The following SH3GL2 variants were observed in gnomAD, a reference collection of about 807,000 sequenced individuals.
The protein encoded by SH3GL2 is SH3 domain containing GRB2 like 2, endophilin A1, also known as endophilin-A1.
SH3GL2 carries 24 observed loss-of-function variants against 46.0 expected under a neutral mutation model. That is an observed-to-expected ratio of 0.52 (90% CI 0.38 to 0.73). SH3GL2 has a LOEUF of 0.73. Among genes scored for constraint, SH3GL2 ranks in the 30% least tolerant of loss-of-function variants. The pLI is 0.00. For synonymous variants in SH3GL2, 196 were observed against 147.1 expected, an observed-to-expected ratio of 1.33 and a Z score of -2.40; for missense variants, 413 against 424.2, an observed-to-expected ratio of 0.97 and a Z score of 0.23.
intron 1 of SH3GL2, among the ~76,000 whole-genome samples, chr9:17,625,566 G>A (rs1819262625): frequency 6.6e-6 from 1 of 152,204 alleles, no homozygotes; most frequent in Admixed American, 6.5e-5. Context: ...AGGGAAACAA[G>A]GCAAAGAGAG....
intron 3 of SH3GL2, among the ~76,000 whole-genome samples, chr9:17,773,212 T>G (rs1455720563): frequency 6.6e-6 from 1 of 152,166 alleles, no homozygotes; most frequent in East Asian, 1.9e-4. Context: ...TTAGGAGTTC[T>G]GTACATATCA....
chr9:17,635,419 T>C (rs890278325), intron 1 of SH3GL2, among the ~76,000 whole-genome samples: 27 of 152,170 alleles, frequency 1.8e-4, no homozygotes, highest in African/African-American at 6.5e-4. Context: ...TGCAAGTTCT[T>C]AGAGACCTTC....
intron 3 of SH3GL2, among the ~76,000 whole-genome samples, chr9:17,771,088 G>A (rs1224511569): frequency 1.3e-5 from 2 of 152,208 alleles, no homozygotes; most frequent in Non-Finnish European, 2.9e-5. Context: ...CTAATACAGT[G>A]TGGCTGTTCC....
At chr9:17,754,680 TA>T (rs1822939618) in intron 2 of SH3GL2, among the ~76,000 whole-genome samples, 2 of 152,150 alleles carry the variant, frequency 1.3e-5, no homozygotes, top group South Asian at 2.1e-4. Flanking sequence ...CTCAAAAAAA[TA>T]AAATAAATAA....
chr9:17,787,519 TA>T lies in SH3GL2; in HGVS notation c.465+7del. ...AAGATCTTAGGGAAATTCAAGTATG[TA>T]CAATGAGTCTTCTGGAAAGTGGGCA... is the stretch of plus-strand genomic sequence containing the variant. On this transcript the variant is annotated splice_region_variant and intron_variant, in intron 5 of 8. Coordinates refer to ENST00000380607, the MANE Select transcript of SH3GL2 (RefSeq NM_003026.5). The T allele has an allele frequency of 6.2e-7, 1 of 1,610,430 alleles. No individual in the cohort carries two copies. The highest frequency in any genetic ancestry group is 8.5e-7 in the Non-Finnish European group (1 of 1,177,586).
chr9:17,788,643 A>G (rs139837196), intron 5 of SH3GL2, among the ~76,000 whole-genome samples: 28 of 152,276 alleles, frequency 1.8e-4, no homozygotes, highest in South Asian at 4.1e-4. Context: ...GCAGCCATCT[A>G]CCAGGTATGG....
Position 17,592,149 on chromosome 9 carries a change from C to A in SH3GL2, c.45+12862C>A, listed in dbSNP as rs1818496264. On this transcript the variant is annotated intron_variant, in intron 1 of 8. Transcript: ENST00000380607. ...CCCGGGGAGCTGCTGGTGTAAGCCCCAACCCCAAAGTCTCAAGAATTTGGA... is the reference window on the plus strand; with the variant it reads ...CCCGGGGAGCTGCTGGTGTAAGCCCAAACCCCAAAGTCTCAAGAATTTGGA... Among the ~76,000 whole-genome samples, 3 of 152,170 alleles carry A rather than the reference C, an allele frequency of 2.0e-5. No homozygotes were observed. In the East Asian group the frequency reaches 5.8e-4, roughly 29 times the overall value.
chr9:17,690,814 A>C (rs192777829), intron 1 of SH3GL2, among the ~76,000 whole-genome samples: 1 of 152,282 alleles, frequency 6.6e-6, no homozygotes, highest in East Asian at 1.9e-4. Flanking sequence ...CCATATCATG[A>C]GAATCATTAT....
chr9:17,622,920 A>G (rs1563786327), intron 1 of SH3GL2, among the ~76,000 whole-genome samples: 1 of 151,924 alleles, frequency 6.6e-6, no homozygotes, highest in Non-Finnish European at 1.5e-5. Context: ...GCAGAATGAA[A>G]TTATACCTGC....
intron 1 of SH3GL2, among the ~76,000 whole-genome samples, chr9:17,673,252 A>G (rs375328691): frequency 1.3e-5 from 2 of 151,646 alleles, no homozygotes; most frequent in African/African-American, 4.8e-5. Flanking sequence ...GGGCTCAAGC[A>G]ATCCTCCCAC....
intron 1 of SH3GL2, among the ~76,000 whole-genome samples, chr9:17,710,542 A>G (rs894266155): frequency 1.3e-5 from 2 of 152,086 alleles, no homozygotes; most frequent in South Asian, 2.1e-4. Context: ...CAGGAATTCT[A>G]CTTCTAGATG....
chr9:17,786,294 C>G lies in SH3GL2; in HGVS notation c.188-87C>G, dbSNP rs1588335583. On this transcript the variant is annotated intron_variant, in intron 3 of 8. Transcript: ENST00000380607. ...ATCAGTAGCTGAGCTACTTTGTAGG[C>G]TGCTCTGAGACCTGATCCTCCATCC... The G allele has an allele frequency of 6.4e-6, 8 of 1,258,628 alleles. No individual in the cohort carries two copies. The Middle Eastern group carries it at 6.2e-4, about 98-fold the overall frequency. The allele number at this position is 1,258,628 out of a possible 1,614,324, so 78.0% of individuals were successfully genotyped here.
At chr9:17,793,548 G>A in intron 8 of SH3GL2, 51 bp downstream of exon 8, 1 of 1,578,354 alleles carries the variant, frequency 6.3e-7, no homozygotes. Flanking sequence ...CATATCCATT[G>A]GCACTCTTCC....
intron 1 of SH3GL2, among the ~76,000 whole-genome samples, chr9:17,601,014 C>G (rs762223698): frequency 1.3e-5 from 2 of 151,950 alleles, no homozygotes; most frequent in Non-Finnish European, 2.9e-5. Flanking sequence ...CACTGTGATC[C>G]CCTCCCTTGG....
chr9:17,602,639 AG>A (rs1333508157), intron 1 of SH3GL2, among the ~76,000 whole-genome samples: 3 of 152,322 alleles, frequency 2.0e-5, no homozygotes, highest in South Asian at 4.1e-4. Context: ...GATTTGCAAA[AG>A]AAGGATTATA....
At chr9:17,614,437 G>A (rs1818941104) in intron 1 of SH3GL2, among the ~76,000 whole-genome samples, 1 of 152,002 alleles carries the variant, frequency 6.6e-6, no homozygotes, top group Admixed American at 6.5e-5. Context: ...TGACTTGGCT[G>A]GATTTCAGGG....
rs1185930699 is a variant in SH3GL2 at position 17,713,726 on chromosome 9, A to C, written c.46-33340A>C. 2.0e-5 allele frequency among the ~76,000 whole-genome samples: 3 copies of C among 151,698 alleles called. No homozygotes were observed. The East Asian group carries it at 5.8e-4, about 29-fold the overall frequency. ...GCTTTTTTATTTCTGATGTAATTCC[A>C]TTGTGGTTAGAGAAAATACGTTATA... On this transcript the variant is annotated intron_variant, in intron 1 of 8. Coordinates refer to ENST00000380607, the MANE Select transcript of SH3GL2 (RefSeq NM_003026.5).
intron 1 of SH3GL2, among the ~76,000 whole-genome samples, chr9:17,719,261 C>G (rs550344746): frequency 6.6e-6 from 1 of 152,240 alleles, no homozygotes; most frequent in African/African-American, 2.4e-5. Flanking sequence ...CAAAGCGGTT[C>G]AGGTATCTAA....
chr9:17,685,160 T>C (rs1447337244), intron 1 of SH3GL2, among the ~76,000 whole-genome samples: 1 of 152,012 alleles, frequency 6.6e-6, no homozygotes, highest in Non-Finnish European at 1.5e-5. Context: ...TATATGTATA[T>C]TTATGAGTGG....
Sources: allele counts gnomAD v4.1 joint callset (sites outside exome capture counted in the v4.1 genomes callset), GRCh38; gene constraint gnomAD v4.1.1; transcripts MANE v1.5; gene names NCBI Gene and HGNC (gene_info 2026-07-23, HGNC 2026-07-21).